Variants in COBL observed in about 807,000 individuals in gnomAD.
COBL encodes cordon-bleu WH2 repeat protein.
A neutral mutation model predicts 98.8 loss-of-function variants in COBL; 51 were observed. The observed-to-expected ratio is 0.52, with a 90% CI of 0.41 to 0.65. COBL has a LOEUF of 0.65. Ranked by LOEUF, COBL falls within the 30% of genes least tolerant of loss-of-function variation. The pLI is 0.00. For synonymous variants in COBL, 634 were observed against 651.7 expected, an observed-to-expected ratio of 0.97 and a Z score of 0.41; for missense variants, 1,617 against 1,617.5, an observed-to-expected ratio of 1.00 and a Z score of 0.01.
At chr7:51,133,026 T>C (rs1020312378) in intron 6 of COBL, among the ~76,000 whole-genome samples, 1 of 152,134 alleles carries the variant, frequency 6.6e-6, no homozygotes, top group South Asian at 2.1e-4. Flanking sequence ...CCAAACCATA[T>C]CACTCAGTAT....
Position 51,017,518 on chromosome 7 carries a change from G to T in COBL, c.*33C>A. 6.2e-7 allele frequency: 1 copy of T among 1,610,680 alleles called. No individual in the cohort carries two copies. The highest frequency in any genetic ancestry group is 8.5e-7 in the Non-Finnish European group (1 of 1,176,910). On this transcript the variant is annotated 3_prime_UTR_variant, in exon 13 of 13. Transcript: ENST00000265136. ...AGTGACGCCTGTGGGCATATTACAG[G>T]TGGGTTTCTGCAATTCTCTGGCCTC...
At chr7:51,223,059 C>A (rs914411088) in intron 1 of COBL, among the ~76,000 whole-genome samples, 1 of 152,226 alleles carries the variant, frequency 6.6e-6, no homozygotes, top group African/African-American at 2.4e-5. Context: ...GTGTGTACTC[C>A]ACCCTTCCCT....
intron 7 of COBL, among the ~76,000 whole-genome samples, chr7:51,076,221 T>C (rs1369547175): frequency 6.6e-6 from 1 of 152,264 alleles, no homozygotes; most frequent in Non-Finnish European, 1.5e-5. Flanking sequence ...GCTTTAGAAC[T>C]AACTGCTTCG....
intron 1 of COBL, among the ~76,000 whole-genome samples, chr7:51,307,773 C>A (rs1802627280): frequency 6.6e-6 from 1 of 152,278 alleles, no homozygotes; most frequent in Admixed American, 6.5e-5. Flanking sequence ...CCGTTGAAAC[C>A]AATCAAATAT....
chr7:51,132,248 G>A (rs539399023), intron 6 of COBL, among the ~76,000 whole-genome samples: 1 of 152,326 alleles, frequency 6.6e-6, no homozygotes, highest in South Asian at 2.1e-4. Context: ...CCACTGCACT[G>A]TGGCCAGCTC....
chr7:51,231,333 A>G (rs1794727144), intron 1 of COBL, among the ~76,000 whole-genome samples: 1 of 152,188 alleles, frequency 6.6e-6, no homozygotes, highest in South Asian at 2.1e-4. Flanking sequence ...ATCAGCAAAA[A>G]GAAGTGTCTC....
intron 1 of COBL, among the ~76,000 whole-genome samples, chr7:51,312,172 A>T (rs999383034): frequency 5.9e-5 from 9 of 151,992 alleles, no homozygotes; most frequent in Admixed American, 3.9e-4. Flanking sequence ...AAAAAAAAAA[A>T]TACAAAAATT....
intron 6 of COBL, among the ~76,000 whole-genome samples, chr7:51,111,152 G>A (rs1387189242): frequency 6.6e-6 from 1 of 152,152 alleles, no homozygotes; most frequent in African/African-American, 2.4e-5. Context: ...AAACATGGGG[G>A]TGCAGACATC....
chr7:51,290,555 C>A (rs1209132674), intron 1 of COBL, among the ~76,000 whole-genome samples: 1 of 152,114 alleles, frequency 6.6e-6, no homozygotes, highest in Non-Finnish European at 1.5e-5. Flanking sequence ...ACAAAGGGTG[C>A]GTGAAAGATG....
chr7:51,020,172 G>A (rs1164208395), intron 12 of COBL, among the ~76,000 whole-genome samples: 1 of 152,196 alleles, frequency 6.6e-6, no homozygotes, highest in East Asian at 1.9e-4. Context: ...ACACGGAAGG[G>A]CTGGGAGAAG....
rs538001318 is a variant in COBL at position 51,214,712 on chromosome 7, G to A, written c.245+5029C>T. On this transcript the variant is annotated intron_variant, in intron 2 of 12. Coordinates refer to ENST00000265136, the MANE Select transcript of COBL (RefSeq NM_015198.5). ...CCCTTAAAATCATCTGTTAGTGTTG[G>A]GCTTAAAAATGCATGTCAATTTTGT... Among the ~76,000 whole-genome samples the A allele has an allele frequency of 2.0e-5, 3 of 152,172 alleles. No homozygotes were observed. The South Asian group carries it at 6.2e-4, about 32-fold the overall frequency.
intron 1 of COBL, among the ~76,000 whole-genome samples, chr7:51,248,801 C>A (rs1165400988): frequency 6.6e-6 from 1 of 152,090 alleles, no homozygotes; most frequent in Non-Finnish European, 1.5e-5. Flanking sequence ...GAATAATGGG[C>A]ATAGGCACAA....
At chr7:51,249,443 GC>G (rs1796535654) in intron 1 of COBL, among the ~76,000 whole-genome samples, 1 of 152,204 alleles carries the variant, frequency 6.6e-6, no homozygotes, top group South Asian at 2.1e-4. Flanking sequence ...TGAGGGCAGA[GC>G]ATGGAATCCA....
At chr7:51,220,998 G>A (rs185714565) in intron 1 of COBL, among the ~76,000 whole-genome samples, 3 of 152,108 alleles carry the variant, frequency 2.0e-5, no homozygotes, top group East Asian at 1.9e-4. Flanking sequence ...TTTTATTGTC[G>A]TGGTAGCAGG....
intron 1 of COBL, among the ~76,000 whole-genome samples, chr7:51,239,664 A>G (rs912617307): frequency 9.2e-5 from 14 of 152,202 alleles, no homozygotes; most frequent in African/African-American, 2.9e-4. Flanking sequence ...AGATCCAAGA[A>G]CCTTTTCTTG....
intron 6 of COBL, among the ~76,000 whole-genome samples, chr7:51,102,067 A>C (rs1367584969): frequency 6.6e-6 from 1 of 152,164 alleles, no homozygotes. Flanking sequence ...GAAAACCAGG[A>C]AGAGATCACT....
chr7:51,104,968 A>C (rs1796127138), intron 6 of COBL, among the ~76,000 whole-genome samples: 1 of 152,180 alleles, frequency 6.6e-6, no homozygotes, highest in Non-Finnish European at 1.5e-5. Flanking sequence ...GGGTCAGCCC[A>C]TAAAAGGGAA....
chr7:51,269,480 G>A lies in COBL; in HGVS notation c.41+47113C>T, dbSNP rs377240689. On this transcript the variant is annotated intron_variant, in intron 1 of 12. Transcript: ENST00000265136. ...CGCAATGTCCCTCACCTCCAGAGTCGGGCACTAGGCAGGTCTGGGTGGTGC... is the reference window on the plus strand; with the variant it reads ...CGCAATGTCCCTCACCTCCAGAGTCAGGCACTAGGCAGGTCTGGGTGGTGC... 5.1e-4 allele frequency among the ~76,000 whole-genome samples: 77 copies of A among 152,296 alleles called. No homozygotes were observed. The South Asian group carries it at 0.015, about 30-fold the overall frequency.
chr7:51,101,965 C>A lies in COBL; in HGVS notation c.958-16661G>T, dbSNP rs140105944. Among the ~76,000 whole-genome samples the A allele has an allele frequency of 2.7e-3, 409 of 152,212 alleles. 1 individual carries two copies. Among genetic ancestry groups the A allele is most frequent in the African/African-American group, 9.3e-3 (385 of 41,528 alleles). ...GGAAGTGGTAAGTTGGTGAAGCCTTCATGAATGGCATTAGAGCCCTTACAA... is the reference window on the plus strand; with the variant it reads ...GGAAGTGGTAAGTTGGTGAAGCCTTAATGAATGGCATTAGAGCCCTTACAA... On this transcript the variant is annotated intron_variant, in intron 6 of 12. Transcript: ENST00000265136.
Sources: allele counts gnomAD v4.1 joint callset (sites outside exome capture counted in the v4.1 genomes callset), GRCh38; gene constraint gnomAD v4.1.1; transcripts MANE v1.5; gene names NCBI Gene and HGNC (gene_info 2026-07-23, HGNC 2026-07-21).